Variants in COX10 observed in about 807,000 individuals in gnomAD.
The protein encoded by COX10 is cytochrome c oxidase assembly factor heme A:farnesyltransferase COX10, also known as protoheme IX farnesyltransferase, mitochondrial.
A neutral mutation model predicts 37.3 loss-of-function variants in COX10; 27 were observed. That is an observed-to-expected ratio of 0.72 (90% CI 0.53 to 1.00). The LOEUF is 1.00. Among genes scored for constraint, COX10 ranks in the 50% least tolerant of loss-of-function variants. The pLI is 0.00. For missense variants in COX10, 475 were observed against 563.2 expected (o/e 0.84, Z 1.59); for synonymous variants, 222 against 229.1 (o/e 0.97, Z 0.28).
chr17:14,149,117 G>T (rs1904817492), intron 4 of COX10, among the ~76,000 whole-genome samples: 1 of 151,140 alleles, frequency 6.6e-6, no homozygotes, highest in South Asian at 2.1e-4. Context: ...TTATCCATTG[G>T]TATAATCATG....
chr17:14,189,409 G>A (rs1906133859), intron 5 of COX10, among the ~76,000 whole-genome samples: 1 of 152,148 alleles, frequency 6.6e-6, no homozygotes, highest in African/African-American at 2.4e-5. Context: ...TCTTAAACAA[G>A]TTATCCATTT....
At chr17:14,073,007 T>G (rs1915060567) in intron 1 of COX10, among the ~76,000 whole-genome samples, 1 of 152,140 alleles carries the variant, frequency 6.6e-6, no homozygotes. Context: ...GACAGAGTGG[T>G]GTGCAAATAA....
chr17:14,116,654 T>TACACACACAC (rs71352451), intron 4 of COX10, among the ~76,000 whole-genome samples: 3 of 150,406 alleles, frequency 2.0e-5, no homozygotes, highest in Non-Finnish European at 3.0e-5. Flanking sequence ...TGCATGCATG[T>TACACACACAC]ACACACACAC....
chr17:14,101,979 G>T, intron 3 of COX10, 139 bp from the exon 4 acceptor site: 1 of 1,027,718 alleles, frequency 9.7e-7, no homozygotes, highest in Non-Finnish European at 1.5e-6. Context: ...TCTTTTTTAA[G>T]CCAAAGATCA....
rs376434284 is a variant in COX10 at position 14,076,111 on chromosome 17, C to CTTTTTTTTT, written c.178-612_178-604dup. ...CAGGTTGACTTGGGCTCTTTTTTGT[C>CTTTTTTTTT]TTTTTTTTTTTTTTTTTTTTGTGAG... On this transcript the variant is annotated intron_variant, in intron 2 of 6. Coordinates refer to ENST00000261643, the MANE Select transcript of COX10 (RefSeq NM_001303.4). Among the ~76,000 whole-genome samples, 39 of 103,252 alleles carry CTTTTTTTTT rather than the reference C, an allele frequency of 3.8e-4. 2 individuals are homozygous for CTTTTTTTTT. The highest frequency in any genetic ancestry group is 6.7e-4 in the Admixed American group (5 of 7,438). The allele number at this position is 103,252 out of a possible 152,430, so 67.7% of individuals were successfully genotyped here. A position where few individuals can be genotyped will look rare whatever the true frequency, so the allele number is the denominator to read the frequency against.
chr17:14,168,430 T>A (rs932897311), intron 5 of COX10, among the ~76,000 whole-genome samples: 1 of 152,200 alleles, frequency 6.6e-6, no homozygotes, highest in African/African-American at 2.4e-5. Flanking sequence ...AGCTGTCTTC[T>A]CACAGCTCCA....
chr17:14,124,938 A>G (rs1314493517), intron 4 of COX10, among the ~76,000 whole-genome samples: 1 of 152,174 alleles, frequency 6.6e-6, no homozygotes, highest in Non-Finnish European at 1.5e-5. Context: ...TGTAAAATGT[A>G]TTTCAATCTC....
chr17:14,069,684 AT>A, intron 1 of COX10, 36 bp downstream of exon 1: 1 of 1,613,412 alleles, frequency 6.2e-7, no homozygotes, highest in Non-Finnish European at 8.5e-7. Flanking sequence ...CTTGGGGGAA[AT>A]TCTTCTCTTA....
intron 3 of COX10, among the ~76,000 whole-genome samples, chr17:14,093,066 G>T (rs1915563111): frequency 6.6e-6 from 1 of 152,172 alleles, no homozygotes; most frequent in Non-Finnish European, 1.5e-5. Flanking sequence ...ATGGGACTTG[G>T]ATTACAGTGT....
intron 3 of COX10, among the ~76,000 whole-genome samples, chr17:14,080,482 G>T (rs1206239094): frequency 6.6e-6 from 1 of 151,884 alleles, no homozygotes; most frequent in Non-Finnish European, 1.5e-5. Flanking sequence ...CAAAGTGCTG[G>T]GATTACAGGC....
chr17:14,154,900 G>T (rs1454137485), intron 4 of COX10, among the ~76,000 whole-genome samples: 2 of 152,252 alleles, frequency 1.3e-5, no homozygotes, highest in Non-Finnish European at 1.5e-5. Context: ...TGTGACCAGG[G>T]GATACAAATA....
intron 2 of COX10, among the ~76,000 whole-genome samples, chr17:14,075,844 T>G (rs1030247914): frequency 1.3e-5 from 2 of 151,696 alleles, no homozygotes; most frequent in South Asian, 4.2e-4. Context: ...AAAAAAAAAT[T>G]AGCCAGGCTT....
chr17:14,174,945 C>T (rs564353003), intron 5 of COX10, among the ~76,000 whole-genome samples: 7 of 145,708 alleles, frequency 4.8e-5, no homozygotes, highest in Non-Finnish European at 1.1e-4. Context: ...TGCAGTGACA[C>T]GGGTGTGTTT....
Position 14,070,446 on chromosome 17 carries a change from G to A in COX10, c.43+798G>A, listed in dbSNP as rs573082242. ...GATGGCAGGGACAGTGTCCATCTCT[G>A]GTTTACCTCTGTGTTTCCAGTGCCC... is the stretch of plus-strand genomic sequence containing the variant. On this transcript the variant is annotated intron_variant, in intron 1 of 6. Coordinates refer to ENST00000261643, the MANE Select transcript of COX10 (RefSeq NM_001303.4). 3.3e-5 allele frequency among the ~76,000 whole-genome samples: 5 copies of A among 152,260 alleles called. No individual in the cohort carries two copies. The South Asian group carries it at 1.0e-3, about 32-fold the overall frequency.
intron 3 of COX10, among the ~76,000 whole-genome samples, chr17:14,087,884 C>A (rs1915447203): frequency 6.6e-6 from 1 of 152,030 alleles, no homozygotes; most frequent in African/African-American, 2.4e-5. Context: ...TGGCTTGCTA[C>A]ACTGTGTGAA....
intron 6 of COX10, among the ~76,000 whole-genome samples, chr17:14,205,789 T>C (rs1248970480): frequency 1.3e-5 from 2 of 152,178 alleles, no homozygotes; most frequent in Non-Finnish European, 2.9e-5. Flanking sequence ...CACTGAAGTT[T>C]ATAAATCTAC....
chr17:14,175,097 G>GGGGGGGGGGGGGGGGT (rs1905631484), intron 5 of COX10, among the ~76,000 whole-genome samples: 1 of 45,958 alleles, frequency 2.2e-5, no homozygotes, highest in Non-Finnish European at 4.7e-5. Flanking sequence ...GGGGGGGGGG[G>GGGGGGGGGGGGGGGGT]TGGATAGGAG....
At chr17:14,084,413 T>G (rs1216341014) in intron 3 of COX10, among the ~76,000 whole-genome samples, 1 of 152,210 alleles carries the variant, frequency 6.6e-6, no homozygotes, top group Admixed American at 6.5e-5. Context: ...AAAACCATTT[T>G]GAATATTTTG....
Position 14,138,185 on chromosome 17 carries a change from T to TA in COX10, c.625-21691dup, listed in dbSNP as rs201636728. On this transcript the variant is annotated intron_variant, in intron 4 of 6. Transcript: ENST00000261643. The stretch of plus-strand genomic sequence containing the variant: ...TTTCAATAATACACACATGCACAAA[T>TA]AGACACCATACTGTATATGACATGT... Among the ~76,000 whole-genome samples, 189 of 152,232 alleles carry TA rather than the reference T, an allele frequency of 1.2e-3. 2 individuals are homozygous for TA. In the East Asian group the frequency reaches 0.027, roughly 22 times the overall value.
Sources: gnomAD v4.1 joint callset for allele counts (sites outside exome capture counted in the v4.1 genomes callset) on GRCh38, gnomAD v4.1.1 for gene constraint, MANE v1.5 for transcripts, NCBI Gene and HGNC (gene_info 2026-07-23, HGNC 2026-07-21) for gene names.